FAR2: variants seen among roughly 807,000 people sequenced by gnomAD.
The protein encoded by FAR2 is fatty acyl-CoA reductase 2, also known as epididymis secretory protein Li 81.
FAR2 carries 19 observed loss-of-function variants against 56.0 expected under a neutral mutation model. The ratio of observed to expected loss-of-function variants is 0.34; its 90% CI spans 0.24 to 0.50. FAR2 has a LOEUF of 0.50. Ranked by LOEUF, FAR2 falls within the 20% of genes least tolerant of loss-of-function variation. FAR2 has a pLI of 0.98. For synonymous variants in FAR2, 219 were observed against 218.8 expected (o/e 1.00, Z -0.01); for missense variants, 508 against 642.2 (o/e 0.79, Z 2.26).
chr12:29,318,066 A>G (rs1038996173), intron 9 of FAR2, among the ~76,000 whole-genome samples: 3 of 152,228 alleles, frequency 2.0e-5, no homozygotes, highest in Non-Finnish European at 4.4e-5. Flanking sequence ...AGTCATTGTT[A>G]TAATTGCCTA....
intron 2 of FAR2, among the ~76,000 whole-genome samples, chr12:29,285,183 A>AG (rs1436879092): frequency 1.4e-4 from 22 of 152,102 alleles, no homozygotes; most frequent in African/African-American, 5.1e-4. Context: ...ACTCTTTTGT[A>AG]GGGAAAAAAA....
intron 2 of FAR2, among the ~76,000 whole-genome samples, chr12:29,286,260 T>C (rs921809225): frequency 6.6e-6 from 1 of 152,174 alleles, no homozygotes; most frequent in African/African-American, 2.4e-5. Context: ...AGTATGCCTA[T>C]TCCTACATCA....
intron 1 of FAR2, among the ~76,000 whole-genome samples, chr12:29,164,428 C>A (rs996791755): frequency 6.6e-6 from 1 of 152,182 alleles, no homozygotes; most frequent in African/African-American, 2.4e-5. Flanking sequence ...AGCTTCCTCT[C>A]CCTGTTCTTT....
intron 3 of FAR2, among the ~76,000 whole-genome samples, chr12:29,295,491 G>GTATATGTAGAATA (rs1949048597): frequency 6.6e-6 from 1 of 152,086 alleles, no homozygotes; most frequent in African/African-American, 2.4e-5. Context: ...GAATTACCTT[G>GTATATGTAGAATA]CATATGTAGA....
intron 1 of FAR2, among the ~76,000 whole-genome samples, chr12:29,265,811 T>A (rs1948506529): frequency 6.6e-6 from 1 of 151,996 alleles, no homozygotes; most frequent in Admixed American, 6.6e-5. Flanking sequence ...CACAAACAAG[T>A]CTATAGAACA....
At chr12:29,149,781 C>T (rs1949666800) in intron 1 of FAR2, among the ~76,000 whole-genome samples, 1 of 152,146 alleles carries the variant, frequency 6.6e-6, no homozygotes, top group Admixed American at 6.5e-5. Context: ...GGCGCGGGGC[C>T]GAGTCCCACC....
intron 1 of FAR2, among the ~76,000 whole-genome samples, chr12:29,235,561 T>A (rs569728083): frequency 1.2e-4 from 18 of 152,232 alleles, no homozygotes; most frequent in African/African-American, 3.6e-4. Flanking sequence ...AGAAGATAAA[T>A]CTATAGCAAA....
intron 1 of FAR2, among the ~76,000 whole-genome samples, chr12:29,178,458 T>C (rs1485727458): frequency 1.3e-5 from 2 of 152,092 alleles, no homozygotes; most frequent in Non-Finnish European, 2.9e-5. Flanking sequence ...AGTTCAGGCA[T>C]GATGGTGCCT....
rs531323409 is a variant in FAR2 at position 29,204,216 on chromosome 12, A to T, written c.-39+54809A>T. 5.3e-5 allele frequency among the ~76,000 whole-genome samples: 8 copies of T among 152,172 alleles called. No individual in the cohort carries two copies. The East Asian group carries it at 1.4e-3, about 26-fold the overall frequency. On this transcript the variant is annotated intron_variant, in intron 1 of 11. Coordinates refer to ENST00000536681, the MANE Select transcript of FAR2 (RefSeq NM_001271783.2). ...GGAAATAAATTTGTTCTCCAGACAG[A>T]TGCAGATTTTTTCACATTTTTTTTT...
intron 1 of FAR2, among the ~76,000 whole-genome samples, chr12:29,185,122 T>G (rs988410114): frequency 1.2e-4 from 19 of 152,344 alleles, no homozygotes; most frequent in Admixed American, 1.1e-3. Flanking sequence ...AAGACATAAT[T>G]CTCTGCCCTA....
At chr12:29,315,888 T>C (rs1406930921) in intron 8 of FAR2, among the ~76,000 whole-genome samples, 1 of 152,126 alleles carries the variant, frequency 6.6e-6, no homozygotes, top group Non-Finnish European at 1.5e-5. Flanking sequence ...CAGATGGAAA[T>C]GTTGAACAGG....
At chr12:29,253,963 T>A (rs566977156) in intron 1 of FAR2, among the ~76,000 whole-genome samples, 21 of 152,316 alleles carry the variant, frequency 1.4e-4, no homozygotes, top group African/African-American at 4.1e-4. Flanking sequence ...TTGATTTTTT[T>A]AAAAAAGACT....
intron 1 of FAR2, among the ~76,000 whole-genome samples, chr12:29,186,402 G>C (rs890073113): frequency 1.3e-5 from 2 of 152,194 alleles, no homozygotes; most frequent in African/African-American, 4.8e-5. Context: ...ATAGAGACAG[G>C]AGATTGGTCT....
intron 1 of FAR2, among the ~76,000 whole-genome samples, chr12:29,200,938 G>A (rs1047350353): frequency 2.6e-5 from 4 of 152,120 alleles, no homozygotes; most frequent in Non-Finnish European, 5.9e-5. Context: ...TAAGCGGCTC[G>A]AACACAGCTG....
chr12:29,207,147 CT>C (rs1251350468), intron 1 of FAR2, among the ~76,000 whole-genome samples: 1 of 152,178 alleles, frequency 6.6e-6, no homozygotes, highest in Non-Finnish European at 1.5e-5. Context: ...ATTTGACAAT[CT>C]TTCTTCTGTT....
At chr12:29,205,001 A>G (rs75614606) in intron 1 of FAR2, among the ~76,000 whole-genome samples, 7,749 of 152,276 alleles carry the variant, frequency 0.051, 270 homozygotes, top group Non-Finnish European at 0.079. Context: ...CAAGCTCTAT[A>G]CCTGCTCAGC....
chr12:29,316,696 C>A (rs1404420956), intron 8 of FAR2, 145 bp from the exon 9 acceptor site: 17 of 794,134 alleles, frequency 2.1e-5, no homozygotes, highest in Non-Finnish European at 2.9e-5. Context: ...GCACAAAAAT[C>A]TTTATATTGT....
chr12:29,317,117 T>A (rs1478185024), intron 9 of FAR2, 105 bp downstream of exon 9: 3 of 1,256,710 alleles, frequency 2.4e-6, no homozygotes, highest in Non-Finnish European at 3.3e-6. Flanking sequence ...GACAACTGAA[T>A]CTTACCCATA....
chr12:29,156,970 C>T (rs1442447038), intron 1 of FAR2: 1 of 151,600 alleles, frequency 6.6e-6, no homozygotes. Context: ...GATTATGGGT[C>T]TCATTGCCAG....
Sources: gnomAD v4.1 joint callset for allele counts (sites outside exome capture counted in the v4.1 genomes callset) on GRCh38, gnomAD v4.1.1 for gene constraint, MANE v1.5 for transcripts, NCBI Gene and HGNC (gene_info 2026-07-23, HGNC 2026-07-21) for gene names.